Variants in UTRN observed in about 807,000 individuals in gnomAD.
The protein encoded by UTRN is utrophin.
UTRN carries 283 observed loss-of-function variants against 463.9 expected under a neutral mutation model. That is an observed-to-expected ratio of 0.61 (90% CI 0.55 to 0.67). The LOEUF is 0.67. Among genes scored for constraint, UTRN ranks in the 30% least tolerant of loss-of-function variants. The pLI, the probability that UTRN is intolerant of heterozygous loss-of-function variation, is 0.00. For missense variants in UTRN, 3,922 were observed against 4,084.3 expected (o/e 0.96, Z 1.08); for synonymous variants, 1,442 against 1,431.5 (o/e 1.01, Z -0.17).
chr6:144,746,728 C>T (rs1328067413), intron 54 of UTRN, among the ~76,000 whole-genome samples: 1 of 152,000 alleles, frequency 6.6e-6, no homozygotes, highest in Non-Finnish European at 1.5e-5. Flanking sequence ...CCACCCACCT[C>T]AGCCTCCCAA....
In UTRN at chr6:144,533,171, G is replaced by C; in HGVS notation, c.6144G>C (p.Gln2048His). Reference protein sequence around the residue: ...TGDGIVQKLSQADGSFLKEKL... With the variant: ...TGDGIVQKLSHADGSFLKEKL... ...ATGGGATTGTGCAGAAACTCTCCCAGGCAGATGGAAGCTTCTTGAAAGAAA... is the reference window on the plus strand; with the variant it reads ...ATGGGATTGTGCAGAAACTCTCCCACGCAGATGGAAGCTTCTTGAAAGAAA... The change falls in exon 43 of 75, where the codon CAG (glutamine) becomes CAC (histidine). Residue 2048 changes from glutamine to histidine, a missense_variant. Coordinates refer to ENST00000367545, the MANE Select transcript of UTRN (RefSeq NM_007124.3). 1 of 1,614,118 alleles carries C rather than the reference G, an allele frequency of 6.2e-7. No individual in the cohort carries two copies. Among genetic ancestry groups the C allele is most frequent in the Non-Finnish European group, 8.5e-7 (1 of 1,180,002 alleles).
intron 35 of UTRN, among the ~76,000 whole-genome samples, chr6:144,511,821 A>G (rs1019190724): frequency 6.6e-6 from 1 of 152,160 alleles, no homozygotes; most frequent in Admixed American, 6.5e-5. Flanking sequence ...TTATGTTCCT[A>G]TGATACTAAT....
chr6:144,708,420 T>G, intron 53 of UTRN: 1 of 637,352 alleles, frequency 1.6e-6, no homozygotes, highest in Non-Finnish European at 2.9e-6. Context: ...TCTCATATTT[T>G]CCTTTCTTCT....
intron 39 of UTRN, 37 bp from the exon 40 acceptor site, chr6:144,521,943 A>G (rs781694220): frequency 4.4e-6 from 5 of 1,139,722 alleles, no homozygotes; most frequent in Non-Finnish European, 5.6e-6. Flanking sequence ...AGAGATATAT[A>G]TATATATATA....
At chr6:144,517,521 A>G (rs554201821) in intron 39 of UTRN, among the ~76,000 whole-genome samples, 4 of 152,152 alleles carry the variant, frequency 2.6e-5, no homozygotes, top group South Asian at 2.1e-4. Context: ...TTAAACGGCA[A>G]TCTTTCTAGC....
At chr6:144,468,737 G>T (rs1252630293) in intron 23 of UTRN, among the ~76,000 whole-genome samples, 1 of 152,146 alleles carries the variant, frequency 6.6e-6, no homozygotes, top group African/African-American at 2.4e-5. Flanking sequence ...CTATTTTCAT[G>T]TGAGCTCTTT....
intron 51 of UTRN, among the ~76,000 whole-genome samples, chr6:144,677,024 A>G (rs1781685165): frequency 6.6e-6 from 1 of 152,204 alleles, no homozygotes; most frequent in South Asian, 2.1e-4. Flanking sequence ...TGATATACCA[A>G]CATCTAACTA....
At chr6:144,372,673 T>C (rs992744883) in intron 2 of UTRN, among the ~76,000 whole-genome samples, 2 of 151,998 alleles carry the variant, frequency 1.3e-5, no homozygotes, top group African/African-American at 4.8e-5. Context: ...TTTGGCTAAT[T>C]TTTCTATTTT....
intron 51 of UTRN, among the ~76,000 whole-genome samples, chr6:144,612,103 G>A (rs540842559): frequency 4.6e-5 from 7 of 152,188 alleles, no homozygotes; most frequent in African/African-American, 1.4e-4. Context: ...TGACAAAGGT[G>A]CCAGGAACAC....
intron 69 of UTRN, among the ~76,000 whole-genome samples, chr6:144,834,899 T>C (rs1780978846): frequency 6.6e-6 from 1 of 152,210 alleles, no homozygotes; most frequent in Non-Finnish European, 1.5e-5. Context: ...AAGCCATCGA[T>C]TTCCAGGACT....
intron 33 of UTRN, among the ~76,000 whole-genome samples, chr6:144,498,027 G>A (rs1321004080): frequency 6.6e-6 from 1 of 152,232 alleles, no homozygotes; most frequent in Non-Finnish European, 1.5e-5. Context: ...ACACAGTTGA[G>A]TACTAGGTCT....
At position 144,477,084 on chromosome 6, in the gene UTRN, G is replaced by A. The variant is rs536926011; in HGVS notation, c.3336+2325G>A. On this transcript the variant is annotated intron_variant, in intron 25 of 74. Transcript: ENST00000367545. ...TGATTATGCGAGGATGAGATCCACC[G>A]TCTAAGTGAAGATGTTGCTAGAGAT... Among the ~76,000 whole-genome samples, 7 of 152,276 alleles carry A rather than the reference G, an allele frequency of 4.6e-5. No homozygotes were observed. The South Asian group carries it at 1.5e-3, about 32-fold the overall frequency.
intron 69 of UTRN, among the ~76,000 whole-genome samples, chr6:144,831,141 G>A (rs1780639161): frequency 6.6e-6 from 1 of 152,120 alleles, no homozygotes; most frequent in Admixed American, 6.6e-5. Context: ...ACATGATGAA[G>A]GCATTTGTGG....
chr6:144,362,513 G>T (rs1779168680), intron 2 of UTRN, among the ~76,000 whole-genome samples: 1 of 152,208 alleles, frequency 6.6e-6, no homozygotes, highest in South Asian at 2.1e-4. Flanking sequence ...GACCCAGAGT[G>T]AGTGCTGGCC....
chr6:144,562,215 T>G (rs1799994081), intron 50 of UTRN, among the ~76,000 whole-genome samples: 1 of 152,130 alleles, frequency 6.6e-6, no homozygotes, highest in Non-Finnish European at 1.5e-5. Context: ...TTTATTTTAT[T>G]TTATTTTATG....
At chr6:144,528,534 G>A (rs1163223808) in intron 41 of UTRN, among the ~76,000 whole-genome samples, 2 of 152,170 alleles carry the variant, frequency 1.3e-5, no homozygotes, top group East Asian at 3.9e-4. Context: ...GGGGCTTCCT[G>A]AGAGCTGAAC....
chr6:144,447,661 C>T lies in UTRN; in HGVS notation c.1782C>T (p.Gly594=). 4 of 1,613,830 alleles carry T rather than the reference C, an allele frequency of 2.5e-6. No homozygotes were observed. Among genetic ancestry groups the T allele is most frequent in the Non-Finnish European group, 3.4e-6 (4 of 1,179,906 alleles). ...CATTGGATCAGCTGAGTGAGATTGGCCAGGATGTGGGACAATTACTTGATA... is the reference window on the plus strand; with the variant it reads ...CATTGGATCAGCTGAGTGAGATTGGTCAGGATGTGGGACAATTACTTGATA... ...RQTLDQLSEI[G]QDVGQLLDNS... The change falls in exon 16 of 75, where the codon GGC becomes GGT. Residue 594 remains glycine (G), a synonymous_variant. Transcript: ENST00000367545.
chr6:144,624,581 G>A (rs1390958361), intron 51 of UTRN, among the ~76,000 whole-genome samples: 1 of 152,194 alleles, frequency 6.6e-6, no homozygotes, highest in African/African-American at 2.4e-5. Flanking sequence ...CAGAAGATCA[G>A]AAGGGTGGCC....
intron 42 of UTRN, among the ~76,000 whole-genome samples, 190 bp downstream of exon 42, chr6:144,531,392 G>T (rs1313085507): frequency 2.6e-5 from 4 of 152,112 alleles, no homozygotes; most frequent in Non-Finnish European, 5.9e-5. Flanking sequence ...TTTCAATCAG[G>T]ATTTCAAAGA....
Sources: gnomAD v4.1 joint callset for allele counts (sites outside exome capture counted in the v4.1 genomes callset) on GRCh38, gnomAD v4.1.1 for gene constraint, MANE v1.5 for transcripts, NCBI Gene and HGNC (gene_info 2026-07-23, HGNC 2026-07-21) for gene names.